The following KHDRBS2 variants were observed in gnomAD, a reference collection of about 807,000 sequenced individuals.
The protein encoded by KHDRBS2 is KH RNA binding domain containing, signal transduction associated 2.
In KHDRBS2, 26 loss-of-function variants were observed where a neutral mutation model predicts 44.3. That is an observed-to-expected ratio of 0.59 (90% CI 0.43 to 0.81). The LOEUF (loss-of-function observed/expected upper bound fraction) is 0.81. Ranked by LOEUF, KHDRBS2 falls within the 40% of genes least tolerant of loss-of-function variation. KHDRBS2 has a pLI of 0.00. For missense variants in KHDRBS2, 476 were observed against 433.1 expected, an observed-to-expected ratio of 1.10 and a Z score of -0.88; for synonymous variants, 194 against 151.1, an observed-to-expected ratio of 1.28 and a Z score of -2.08.
intron 3 of KHDRBS2, among the ~76,000 whole-genome samples, chr6:61,993,675 T>TATATATA (rs61137285): frequency 0.054 from 4,039 of 74,450 alleles, 269 homozygotes; most frequent in East Asian, 0.12. Context: ...ATATATATAT[T>TATATATA]TTTTTTTTTT....
chr6:61,782,727 A>G (rs1372352717), intron 6 of KHDRBS2, among the ~76,000 whole-genome samples: 2 of 141,888 alleles, frequency 1.4e-5, no homozygotes, highest in African/African-American at 5.1e-5. Flanking sequence ...ATATATATAT[A>G]TATATATATA....
chr6:62,169,229 A>G (rs577341066), intron 2 of KHDRBS2, among the ~76,000 whole-genome samples: 9 of 149,806 alleles, frequency 6.0e-5, no homozygotes, highest in East Asian at 4.0e-4. Flanking sequence ...ACACACACAC[A>G]TATATATGTG....
intron 6 of KHDRBS2, among the ~76,000 whole-genome samples, chr6:61,833,253 A>T (rs1583066536): frequency 6.6e-6 from 1 of 152,220 alleles, no homozygotes; most frequent in Non-Finnish European, 1.5e-5. Flanking sequence ...GCACAGAGAC[A>T]TAACAATTTG....
intron 4 of KHDRBS2, among the ~76,000 whole-genome samples, chr6:61,973,766 C>A (rs1771918215): frequency 6.6e-6 from 1 of 152,082 alleles, no homozygotes; most frequent in Non-Finnish European, 1.5e-5. Context: ...TCATTAAAGA[C>A]TTAAGCCTGG....
intron 6 of KHDRBS2, among the ~76,000 whole-genome samples, chr6:61,867,787 T>G (rs987393265): frequency 5.3e-5 from 8 of 152,130 alleles, no homozygotes; most frequent in African/African-American, 1.9e-4. Flanking sequence ...GTGAAGGCTG[T>G]CAAACAGCCA....
the KHDRBS2 span, among the ~76,000 whole-genome samples, chr6:61,587,804 C>A: frequency 6.6e-6 from 1 of 152,116 alleles, no homozygotes; most frequent in South Asian, 2.1e-4. Flanking sequence ...CTCTCAATGC[C>A]CTTACACTGT....
intron 4 of KHDRBS2, among the ~76,000 whole-genome samples, chr6:61,919,480 T>A (rs756808981): frequency 2.6e-5 from 4 of 151,828 alleles, no homozygotes; most frequent in Non-Finnish European, 5.9e-5. Context: ...ACAGTGTGAT[T>A]AGATAAAACT....
At chr6:61,722,793 T>A (rs1385809862) in intron 7 of KHDRBS2, among the ~76,000 whole-genome samples, 2 of 151,846 alleles carry the variant, frequency 1.3e-5, no homozygotes, top group Non-Finnish European at 2.9e-5. Context: ...CACTCTAAGC[T>A]CCGCCTCCCG....
intron 2 of KHDRBS2, among the ~76,000 whole-genome samples, chr6:62,105,198 A>G (rs1044418871): frequency 6.6e-6 from 1 of 152,184 alleles, no homozygotes; most frequent in African/African-American, 2.4e-5. Flanking sequence ...CAAACACTTA[A>G]AATAGAAGTA....
intron 8 of KHDRBS2, among the ~76,000 whole-genome samples, chr6:61,693,635 C>T (rs1204467038): frequency 6.6e-5 from 10 of 152,074 alleles, no homozygotes; most frequent in Non-Finnish European, 1.3e-4. Context: ...TCTACATTTT[C>T]CTTATTACTT....
In KHDRBS2 at chr6:62,042,032, T is replaced by C. The variant is rs994035272; in HGVS notation, c.336+5846A>G. 4.6e-5 allele frequency among the ~76,000 whole-genome samples: 7 copies of C among 152,246 alleles called. No individual in the cohort carries two copies. In the South Asian group the frequency reaches 1.0e-3, roughly 23 times the overall value. ...TCAAACCTAATTAATTATTTGGTCA[T>C]GTATATTCCAAATATAACACATACT... On this transcript the variant is annotated intron_variant, in intron 3 of 8. Coordinates refer to ENST00000281156, the MANE Select transcript of KHDRBS2 (RefSeq NM_152688.4).
the KHDRBS2 span, among the ~76,000 whole-genome samples, chr6:61,604,471 G>T: frequency 6.6e-6 from 1 of 152,212 alleles, no homozygotes. Flanking sequence ...AATGGTTCTT[G>T]GACCAAAGAA....
chr6:61,946,602 G>A (rs930369868), intron 4 of KHDRBS2, among the ~76,000 whole-genome samples: 3 of 152,090 alleles, frequency 2.0e-5, no homozygotes, highest in African/African-American at 4.8e-5. Flanking sequence ...TTAATGGAGG[G>A]GCTATTTGAA....
intron 6 of KHDRBS2, among the ~76,000 whole-genome samples, chr6:61,781,284 C>T (rs1302100200): frequency 6.6e-6 from 1 of 151,852 alleles, no homozygotes; most frequent in Non-Finnish European, 1.5e-5. Context: ...AATGGTTTTC[C>T]AAAATAACTG....
rs535649616 is a variant in KHDRBS2 at position 61,703,263 on chromosome 6, CCAGT to C, written c.894-6014_894-6011del. Reference sequence around the variant, plus strand: ...ATGAAAAGTATACAGCCAACTTTTGCCAGTCAATGTCACATATTTTAAAAATTCA... The same window carrying C: ...ATGAAAAGTATACAGCCAACTTTTGCCAATGTCACATATTTTAAAAATTCA... On this transcript the variant is annotated intron_variant, in intron 7 of 8. Transcript: ENST00000281156. Among the ~76,000 whole-genome samples the C allele has an allele frequency of 1.4e-3, 209 of 151,686 alleles. 1 individual carries two copies. The highest frequency in any genetic ancestry group is 4.8e-3 in the African/African-American group (200 of 41,442).
chr6:62,153,494 A>ATT (rs35432340), intron 2 of KHDRBS2, among the ~76,000 whole-genome samples: 7 of 151,690 alleles, frequency 4.6e-5, no homozygotes, highest in Admixed American at 6.6e-5. Flanking sequence ...CAGCCTTTAT[A>ATT]TTTTTTTTAA....
chr6:61,547,172 G>A, the KHDRBS2 span, among the ~76,000 whole-genome samples: 6 of 152,036 alleles, frequency 3.9e-5, no homozygotes, highest in South Asian at 2.1e-4. Context: ...CAGTGGCTCC[G>A]ACAACTCTCA....
At chr6:61,671,687 AT>A in the KHDRBS2 span, among the ~76,000 whole-genome samples, 1 of 151,766 alleles carries the variant, frequency 6.6e-6, no homozygotes, top group Non-Finnish European at 1.5e-5. Context: ...TTTAACTAGA[AT>A]TTTGCCAAAT....
At chr6:61,918,296 T>A (rs1342173434) in intron 4 of KHDRBS2, among the ~76,000 whole-genome samples, 8 of 151,570 alleles carry the variant, frequency 5.3e-5, no homozygotes, top group Non-Finnish European at 2.9e-5. Context: ...TAAATCAGAG[T>A]TTTAAGTCCA....
Sources: gnomAD v4.1 joint callset for allele counts (sites outside exome capture counted in the v4.1 genomes callset) on GRCh38, gnomAD v4.1.1 for gene constraint, MANE v1.5 for transcripts, NCBI Gene and HGNC (gene_info 2026-07-23, HGNC 2026-07-21) for gene names.